The following QSOX1 variants were observed in gnomAD, a reference collection of about 807,000 sequenced individuals.
The protein encoded by QSOX1 is sulfhydryl oxidase 1.
A neutral mutation model predicts 76.1 loss-of-function variants in QSOX1; 40 were observed. The observed-to-expected ratio is 0.53, with a 90% CI of 0.41 to 0.68. The LOEUF is 0.68. Ranked by LOEUF, QSOX1 falls within the 30% of genes least tolerant of loss-of-function variation. The pLI, the probability that QSOX1 is intolerant of heterozygous loss-of-function variation, is 0.00. For synonymous variants in QSOX1, 392 were observed against 413.1 expected (o/e 0.95, Z 0.62); for missense variants, 931 against 974.3 (o/e 0.96, Z 0.59).
intron 10 of QSOX1, among the ~76,000 whole-genome samples, chr1:180,192,100 G>A (rs781642204): frequency 2.6e-5 from 4 of 152,024 alleles, no homozygotes; most frequent in African/African-American, 9.7e-5. Flanking sequence ...CTCCAAATAC[G>A]GCCACATTCT....
intron 2 of QSOX1, among the ~76,000 whole-genome samples, chr1:180,174,848 C>T (rs1662846199): frequency 6.6e-6 from 1 of 152,050 alleles, no homozygotes; most frequent in Admixed American, 6.6e-5. Flanking sequence ...CCAACTCCCC[C>T]CAATTCACCA....
intron 1 of QSOX1, among the ~76,000 whole-genome samples, chr1:180,163,891 AAAT>A (rs1662550680): frequency 6.6e-6 from 1 of 152,168 alleles, no homozygotes; most frequent in Non-Finnish European, 1.5e-5. Context: ...ACCAGGAGAG[AAAT>A]AATATGTTGA....
At chr1:180,188,944 C>T (rs1355254256) in intron 8 of QSOX1, among the ~76,000 whole-genome samples, 2 of 152,230 alleles carry the variant, frequency 1.3e-5, no homozygotes, top group Non-Finnish European at 1.5e-5. Context: ...TGATACTAAT[C>T]GGATTTGAGT....
intron 5 of QSOX1, among the ~76,000 whole-genome samples, chr1:180,181,450 A>G (rs1663033154): frequency 6.6e-6 from 1 of 152,174 alleles, no homozygotes; most frequent in Non-Finnish European, 1.5e-5. Flanking sequence ...ATCTTCTTAT[A>G]ACTATACACA....
chr1:180,194,606 T>C (rs1663414238), intron 11 of QSOX1, among the ~76,000 whole-genome samples: 1 of 152,202 alleles, frequency 6.6e-6, no homozygotes. Flanking sequence ...TCCCATGCCG[T>C]TGCTCACTTT....
chr1:180,183,647 A>G (rs536918232), intron 6 of QSOX1, among the ~76,000 whole-genome samples: 1 of 152,106 alleles, frequency 6.6e-6, no homozygotes, highest in Non-Finnish European at 1.5e-5. Context: ...CACTGGGGGA[A>G]TTCTTGGGCC....
intron 8 of QSOX1, among the ~76,000 whole-genome samples, chr1:180,188,536 A>G (rs1020903514): frequency 5.3e-5 from 8 of 152,280 alleles, no homozygotes; most frequent in Non-Finnish European, 8.8e-5. Context: ...TGTGAGTTCC[A>G]GAGGCCCGTG....
At chr1:180,174,871 A>G (rs2149235313) in intron 2 of QSOX1, among the ~76,000 whole-genome samples, 1 of 152,206 alleles carries the variant, frequency 6.6e-6, no homozygotes, top group East Asian at 1.9e-4. Context: ...TTACAGATGA[A>G]GAAACAGGCT....
chr1:180,202,357 A>G lies in QSOX1; in HGVS notation c.*5320A>G, dbSNP rs1005271187. ...GGAAAGTGGGCTTCAGGTGCTGCCT[A>G]TTAAACCTCCTGCCTCCCCTGCTGC... On this transcript the variant is annotated 3_prime_UTR_variant, in exon 12 of 12. Coordinates refer to ENST00000367602, the MANE Select transcript of QSOX1 (RefSeq NM_002826.5). 2.0e-5 allele frequency: 3 copies of G among 152,336 alleles called. No homozygotes were observed. The highest frequency in any genetic ancestry group is 7.2e-5 in the African/African-American group (3 of 41,448). 9.4% of individuals were successfully genotyped at this position (152,336 alleles called of 1,614,324 possible). A position where few individuals can be genotyped will look rare whatever the true frequency, so the allele number is the denominator to read the frequency against.
chr1:180,197,494 C>G lies in QSOX1; in HGVS notation c.*457C>G. 1.6e-6 allele frequency: 2 copies of G among 1,235,562 alleles called. No homozygotes were observed. Among genetic ancestry groups the G allele is most frequent in the Non-Finnish European group, 2.3e-6 (2 of 869,774 alleles). 76.5% of individuals were successfully genotyped at this position (1,235,562 alleles called of 1,614,324 possible). On this transcript the variant is annotated 3_prime_UTR_variant, in exon 12 of 12. Coordinates refer to ENST00000367602, the MANE Select transcript of QSOX1 (RefSeq NM_002826.5). ...GGGGCTCCGCCCACCCTGCTCCCTTCCGGACAATGAAGAAGCCTTTGCACC... is the reference window on the plus strand; with the variant it reads ...GGGGCTCCGCCCACCCTGCTCCCTTGCGGACAATGAAGAAGCCTTTGCACC...
rs929410781 is a variant in QSOX1 at position 180,200,921 on chromosome 1, C to T, written c.*3884C>T. 2.0e-5 allele frequency: 3 copies of T among 152,248 alleles called. No individual in the cohort carries two copies. Among genetic ancestry groups the T allele is most frequent in the African/African-American group, 7.2e-5 (3 of 41,462 alleles). 9.4% of individuals were successfully genotyped at this position (152,248 alleles called of 1,614,324 possible). A position where few individuals can be genotyped will look rare whatever the true frequency, so the allele number is the denominator to read the frequency against. ...TTCCCTCCAACAGTGGCAGTAACCA[C>T]TGTTGTGTGTTGGTGTCAAGGAGTG... On this transcript the variant is annotated 3_prime_UTR_variant, in exon 12 of 12. Transcript: ENST00000367602.
chr1:180,155,427 C>T (rs1662355300), intron 1 of QSOX1, among the ~76,000 whole-genome samples: 2 of 152,202 alleles, frequency 1.3e-5, no homozygotes, highest in South Asian at 2.1e-4. Context: ...CAGACCTGCC[C>T]TGCTCGCCCG....
chr1:180,175,393 T>A, intron 3 of QSOX1, 27 bp downstream of exon 3: 3 of 1,610,232 alleles, frequency 1.9e-6, no homozygotes, highest in Non-Finnish European at 1.7e-6. Context: ...GGTTGTCCTG[T>A]TAGCATCTTC....
intron 7 of QSOX1, 31 bp downstream of exon 7, chr1:180,184,081 TCTC>T (rs745333482): frequency 1.2e-6 from 2 of 1,610,556 alleles, no homozygotes; most frequent in South Asian, 1.1e-5. Flanking sequence ...CCTCACTTCT[TCTC>T]CTTCCTCTGA....
intron 1 of QSOX1, among the ~76,000 whole-genome samples, chr1:180,160,610 C>T (rs896721515): frequency 3.3e-5 from 5 of 152,102 alleles, no homozygotes; most frequent in Non-Finnish European, 5.9e-5. Context: ...ATTCTAACTA[C>T]AGCATTATCC....
intron 1 of QSOX1, among the ~76,000 whole-genome samples, chr1:180,165,319 C>T (rs923633508): frequency 1.6e-4 from 24 of 152,352 alleles, no homozygotes; most frequent in Middle Eastern, 3.4e-3. Flanking sequence ...CCTCCTCCTC[C>T]TCTCATCTGC....
intron 1 of QSOX1, 36 bp downstream of exon 1, chr1:180,155,208 G>A: frequency 7.0e-7 from 1 of 1,434,302 alleles, no homozygotes; most frequent in South Asian, 1.4e-5. Flanking sequence ...CCCGTGCCCC[G>A]CCGCCCGGAC....
chr1:180,183,857 A>G (rs1663100910), intron 6 of QSOX1, 59 bp from the exon 7 acceptor site: 1 of 1,506,348 alleles, frequency 6.6e-7, no homozygotes, highest in East Asian at 2.3e-5. Flanking sequence ...GACATTGGTT[A>G]GCTCTAATCT....
intron 10 of QSOX1, among the ~76,000 whole-genome samples, chr1:180,193,763 G>A (rs1663382843): frequency 6.6e-6 from 1 of 152,132 alleles, no homozygotes; most frequent in South Asian, 2.1e-4. Context: ...AAGGGCATGT[G>A]CAGGCCAGGT....
Sources: allele counts gnomAD v4.1 joint callset (sites outside exome capture counted in the v4.1 genomes callset), GRCh38; gene constraint gnomAD v4.1.1; transcripts MANE v1.5; gene names NCBI Gene and HGNC (gene_info 2026-07-23, HGNC 2026-07-21).